Variants in NUBPL observed in about 807,000 individuals in gnomAD.
NUBPL encodes the protein NUBP iron-sulfur cluster assembly factor, mitochondrial.
Under a neutral mutation model 45.7 loss-of-function variants are expected in NUBPL, and 31 were observed. That is an observed-to-expected ratio of 0.68 (90% CI 0.51 to 0.92). The LOEUF (loss-of-function observed/expected upper bound fraction) is 0.92, where lower values mean the gene tolerates loss of function less well. Among genes scored for constraint, NUBPL ranks in the 40% least tolerant of loss-of-function variants. The pLI, the probability that NUBPL is intolerant of heterozygous loss-of-function variation, is 0.00. For synonymous variants in NUBPL, 144 were observed against 140.9 expected, an observed-to-expected ratio of 1.02 and a Z score of -0.15; for missense variants, 401 against 398.7, an observed-to-expected ratio of 1.01 and a Z score of -0.05.
chr14:31,603,299 GAAAA>G (rs529470069), intron 4 of NUBPL, among the ~76,000 whole-genome samples: 1 of 57,092 alleles, frequency 1.8e-5, no homozygotes. Context: ...GATCCTGTCT[GAAAA>G]AAAAAAAAAA....
At chr14:31,667,101 G>T (rs2036450814) in intron 4 of NUBPL, among the ~76,000 whole-genome samples, 1 of 152,126 alleles carries the variant, frequency 6.6e-6, no homozygotes, top group Non-Finnish European at 1.5e-5. Flanking sequence ...GGCCTGTCTT[G>T]CTAGATTGGG....
intron 6 of NUBPL, among the ~76,000 whole-genome samples, chr14:31,786,454 G>A (rs1050350497): frequency 3.3e-5 from 5 of 152,206 alleles, no homozygotes; most frequent in Middle Eastern, 3.4e-3. Context: ...CTCAAAGTTA[G>A]CAAGCTCTTT....
intron 6 of NUBPL, among the ~76,000 whole-genome samples, chr14:31,732,634 T>C (rs1318228664): frequency 3.6e-5 from 5 of 140,772 alleles, no homozygotes; most frequent in African/African-American, 5.4e-5. Flanking sequence ...TTTTTTGAGA[T>C]GGAGTCTCAC....
intron 6 of NUBPL, among the ~76,000 whole-genome samples, chr14:31,747,240 A>G (rs948811816): frequency 1.4e-4 from 20 of 147,498 alleles, no homozygotes; most frequent in Admixed American, 1.4e-3. Context: ...GGTTCACGCC[A>G]TTCTCCTGCC....
intron 6 of NUBPL, among the ~76,000 whole-genome samples, chr14:31,693,624 A>G (rs977549915): frequency 6.6e-6 from 1 of 152,000 alleles, no homozygotes; most frequent in African/African-American, 2.4e-5. Flanking sequence ...GAATATTGTT[A>G]TTGTCAGTTT....
chr14:31,592,378 G>C (rs1164228309), intron 3 of NUBPL, among the ~76,000 whole-genome samples: 1 of 152,122 alleles, frequency 6.6e-6, no homozygotes, highest in African/African-American at 2.4e-5. Context: ...GGAATGAAAT[G>C]GGAGGAGTGG....
chr14:31,827,666 T>G (rs1404329296), intron 8 of NUBPL, among the ~76,000 whole-genome samples: 3 of 152,224 alleles, frequency 2.0e-5, no homozygotes, highest in South Asian at 2.1e-4. Flanking sequence ...AACTTTAGTC[T>G]GTAGATTAGC....
intron 4 of NUBPL, among the ~76,000 whole-genome samples, chr14:31,640,058 C>T (rs2035638257): frequency 6.6e-6 from 1 of 152,136 alleles, no homozygotes; most frequent in Admixed American, 6.5e-5. Flanking sequence ...GTGCCTCGCC[C>T]TGCTTCGGCT....
chr14:31,834,151 CAG>C (rs1332182935), intron 8 of NUBPL, among the ~76,000 whole-genome samples: 11 of 148,186 alleles, frequency 7.4e-5, no homozygotes, highest in Non-Finnish European at 1.3e-4. Flanking sequence ...AAACAAAAAA[CAG>C]AGACAAGCCT....
In NUBPL at chr14:31,594,255, A is replaced by G. The variant is rs952388564; in HGVS notation, c.292-5034A>G. Among the ~76,000 whole-genome samples, 74 of 152,210 alleles carry G rather than the reference A, an allele frequency of 4.9e-4. 1 individual carries two copies. The highest frequency in any genetic ancestry group is 1.5e-5 in the Non-Finnish European group (1 of 68,002). ...CAACGTGGTGAAACCCTGTCCCTAC[A>G]AAAAACGAAAAAAAATTAGCTAGGC... is the stretch of plus-strand genomic sequence containing the variant. On this transcript the variant is annotated intron_variant, in intron 3 of 10. Transcript: ENST00000281081.
intron 8 of NUBPL, 86 bp from the exon 9 acceptor site, chr14:31,846,385 C>T: frequency 9.2e-7 from 1 of 1,082,090 alleles, no homozygotes; most frequent in Non-Finnish European, 1.4e-6. Flanking sequence ...CACTAGAACT[C>T]AGTAGGCACT....
chr14:31,604,964 A>G (rs543138375), intron 4 of NUBPL, among the ~76,000 whole-genome samples: 1 of 152,352 alleles, frequency 6.6e-6, no homozygotes, highest in African/African-American at 2.4e-5. Context: ...GCATTATGCA[A>G]AAGCATCAAC....
At chr14:31,824,888 A>G (rs2040072589) in intron 7 of NUBPL, among the ~76,000 whole-genome samples, 1 of 152,106 alleles carries the variant, frequency 6.6e-6, no homozygotes, top group African/African-American at 2.4e-5. Flanking sequence ...TGTGATCTAT[A>G]TTATGTTTAT....
chr14:31,561,678 T>A, intron 1 of NUBPL, 131 bp downstream of exon 1: 1 of 635,388 alleles, frequency 1.6e-6, no homozygotes, highest in Non-Finnish European at 2.5e-6. Context: ...TGGACGTGCC[T>A]ACTTTTCAGG....
At chr14:31,622,817 AACTTCTTTTAGGGC>A (rs1350612541) in intron 4 of NUBPL, among the ~76,000 whole-genome samples, 1 of 152,172 alleles carries the variant, frequency 6.6e-6, no homozygotes, top group Non-Finnish European at 1.5e-5. Context: ...CCCCATGGAG[AACTTCTTTTAGGGC>A]AATGCAGAGG....
At chr14:31,731,969 G>C (rs149555690) in intron 6 of NUBPL, among the ~76,000 whole-genome samples, 1 of 151,882 alleles carries the variant, frequency 6.6e-6, no homozygotes, top group Admixed American at 6.6e-5. Context: ...TTGAGAGGCC[G>C]AGGCGGGCGG....
intron 4 of NUBPL, among the ~76,000 whole-genome samples, chr14:31,653,237 A>C (rs1209966961): frequency 6.6e-6 from 1 of 152,162 alleles, no homozygotes; most frequent in East Asian, 1.9e-4. Flanking sequence ...AACAACAGAA[A>C]ACAGGCTTTG....
At chr14:31,671,803 T>C (rs1190072565) in intron 4 of NUBPL, among the ~76,000 whole-genome samples, 1 of 152,194 alleles carries the variant, frequency 6.6e-6, no homozygotes, top group African/African-American at 2.4e-5. Flanking sequence ...ATTCAATGAA[T>C]GGAATATGGC....
chr14:31,574,568 T>C (rs1178784224), intron 3 of NUBPL, among the ~76,000 whole-genome samples: 1 of 132,980 alleles, frequency 7.5e-6, no homozygotes, highest in Non-Finnish European at 1.6e-5. Flanking sequence ...CCTGGCCTAC[T>C]CGATTCTTTC....
Sources: gnomAD v4.1 joint callset for allele counts (sites outside exome capture counted in the v4.1 genomes callset) on GRCh38, gnomAD v4.1.1 for gene constraint, MANE v1.5 for transcripts, NCBI Gene and HGNC (gene_info 2026-07-23, HGNC 2026-07-21) for gene names.